The following NXPH1 variants were observed in gnomAD, a reference collection of about 807,000 sequenced individuals.
NXPH1 encodes neurexophilin 1.
Under a neutral mutation model 23.7 loss-of-function variants are expected in NXPH1, and 5 were observed. The ratio of observed to expected loss-of-function variants is 0.21; its 90% confidence interval spans 0.11 to 0.44. NXPH1 has a LOEUF of 0.44. Among genes scored for constraint, NXPH1 ranks in the 20% least tolerant of loss-of-function variants. NXPH1 has a pLI of 0.99. For synonymous variants in NXPH1, 144 were observed against 122.2 expected, an observed-to-expected ratio of 1.18 and a Z score of -1.18; for missense variants, 324 against 321.6, an observed-to-expected ratio of 1.01 and a Z score of -0.06.
At chr7:8,475,169 A>C (rs1173908757) in intron 2 of NXPH1, among the ~76,000 whole-genome samples, 1 of 151,982 alleles carries the variant, frequency 6.6e-6, no homozygotes, top group East Asian at 1.9e-4. Flanking sequence ...GAGACCCCTA[A>C]ACTTCAGTTG....
At chr7:8,604,514 C>T (rs1017302617) in intron 2 of NXPH1, among the ~76,000 whole-genome samples, 4 of 152,060 alleles carry the variant, frequency 2.6e-5, no homozygotes, top group Non-Finnish European at 4.4e-5. Context: ...CTTTCTCTCA[C>T]CACATTTTTG....
chr7:8,454,774 A>C (rs779604838), intron 2 of NXPH1, among the ~76,000 whole-genome samples: 49 of 152,148 alleles, frequency 3.2e-4, no homozygotes, highest in Admixed American at 1.1e-3. Context: ...CCGTGATTGA[A>C]ACTAGAGTCC....
chr7:8,545,465 T>C (rs1247382849), intron 2 of NXPH1, among the ~76,000 whole-genome samples: 1 of 151,584 alleles, frequency 6.6e-6, no homozygotes, highest in Non-Finnish European at 1.5e-5. Flanking sequence ...CAGGAAATAC[T>C]GTCCTCTTGT....
At chr7:8,514,400 A>T (rs2128614534) in intron 2 of NXPH1, among the ~76,000 whole-genome samples, 1 of 152,266 alleles carries the variant, frequency 6.6e-6, no homozygotes, top group Admixed American at 6.5e-5. Flanking sequence ...AGGTTCAGTG[A>T]CATCCTTGAA....
At chr7:8,582,160 G>C (rs1818889891) in intron 2 of NXPH1, among the ~76,000 whole-genome samples, 1 of 152,200 alleles carries the variant, frequency 6.6e-6, no homozygotes, top group African/African-American at 2.4e-5. Context: ...CTGGCATCTG[G>C]ATGAGGGGAA....
At chr7:8,459,788 G>C (rs1321989398) in intron 2 of NXPH1, among the ~76,000 whole-genome samples, 4 of 152,192 alleles carry the variant, frequency 2.6e-5, no homozygotes, top group African/African-American at 9.7e-5. Context: ...AAGTCTGCAT[G>C]TCTGTAAAGA....
At chr7:8,617,490 T>C (rs1270184576) in intron 2 of NXPH1, among the ~76,000 whole-genome samples, 1 of 151,992 alleles carries the variant, frequency 6.6e-6, no homozygotes, top group Non-Finnish European at 1.5e-5. Context: ...AAGAAGGAGA[T>C]CCAGTCATAT....
intron 2 of NXPH1, among the ~76,000 whole-genome samples, chr7:8,737,707 G>C (rs533309045): frequency 6.6e-6 from 1 of 152,162 alleles, no homozygotes; most frequent in Non-Finnish European, 1.5e-5. Context: ...AGTTCTCCTG[G>C]ATAATATCCT....
At chr7:8,591,139 C>G (rs10258143) in intron 2 of NXPH1, among the ~76,000 whole-genome samples, 59,684 of 151,892 alleles carry the variant, frequency 0.39, 14,842 homozygotes, top group African/African-American at 0.72. Flanking sequence ...GATAATAAAA[C>G]CAATGAGACC....
chr7:8,749,401 T>G (rs200753803), intron 2 of NXPH1, among the ~76,000 whole-genome samples: 1 of 152,236 alleles, frequency 6.6e-6, no homozygotes, highest in South Asian at 2.1e-4. Flanking sequence ...GCTCTAGAAT[T>G]TATGGTCTTG....
intron 2 of NXPH1, among the ~76,000 whole-genome samples, chr7:8,505,087 A>T (rs1397423611): frequency 2.6e-5 from 4 of 152,010 alleles, no homozygotes; most frequent in Non-Finnish European, 5.9e-5. Context: ...AATTTTTTTT[A>T]AATTCAATTT....
chr7:8,657,631 G>T (rs758359961), intron 2 of NXPH1, among the ~76,000 whole-genome samples: 1 of 152,206 alleles, frequency 6.6e-6, no homozygotes, highest in Non-Finnish European at 1.5e-5. Flanking sequence ...TATGATTTAT[G>T]ATGAGAACTC....
At chr7:8,585,878 T>C (rs538871318) in intron 2 of NXPH1, among the ~76,000 whole-genome samples, 103 of 152,328 alleles carry the variant, frequency 6.8e-4, no homozygotes, top group Non-Finnish European at 1.2e-3. Flanking sequence ...TATTGAGCTT[T>C]GGAAAGAAGT....
chr7:8,444,567 C>A (rs962074096), intron 2 of NXPH1, among the ~76,000 whole-genome samples: 34 of 152,316 alleles, frequency 2.2e-4, no homozygotes, highest in Middle Eastern at 3.4e-3. Context: ...TTGCCTGATG[C>A]CCCCGATGGA....
intron 2 of NXPH1, among the ~76,000 whole-genome samples, chr7:8,708,743 T>C (rs1465255927): frequency 6.6e-6 from 1 of 152,196 alleles, no homozygotes; most frequent in African/African-American, 2.4e-5. Flanking sequence ...TATGCTATTA[T>C]CATACTATGA....
chr7:8,503,192 C>G (rs1490436911), intron 2 of NXPH1, among the ~76,000 whole-genome samples: 1 of 151,992 alleles, frequency 6.6e-6, no homozygotes, highest in Non-Finnish European at 1.5e-5. Flanking sequence ...AACTGGAACA[C>G]TTTTTAACAG....
intron 2 of NXPH1, among the ~76,000 whole-genome samples, chr7:8,739,136 G>GT (rs1780314848): frequency 7.5e-6 from 1 of 132,652 alleles, no homozygotes; most frequent in South Asian, 2.4e-4. Flanking sequence ...GGAGTGAACG[G>GT]TTTCGTCTCA....
At position 8,543,685 on chromosome 7, in the gene NXPH1, C is replaced by G. The variant is rs553833246; in HGVS notation, c.54+107918C>G. 2.3e-4 allele frequency among the ~76,000 whole-genome samples: 35 copies of G among 151,692 alleles called. 1 individual carries two copies. Among genetic ancestry groups the G allele is most frequent in the Non-Finnish European group, 3.4e-4 (23 of 67,720 alleles). On this transcript the variant is annotated intron_variant, in intron 2 of 2. Transcript: ENST00000405863. The stretch of plus-strand genomic sequence containing the variant: ...TAGTTCACACGTAGATGCACAGTAT[C>G]TAATCCTTCTTTTATATTTTTATGT...
At chr7:8,681,864 T>C (rs1821054756) in intron 2 of NXPH1, among the ~76,000 whole-genome samples, 1 of 152,204 alleles carries the variant, frequency 6.6e-6, no homozygotes, top group Non-Finnish European at 1.5e-5. Flanking sequence ...TGGGAGGTTG[T>C]AGAAACTTGT....
Sources: allele counts gnomAD v4.1 joint callset (sites outside exome capture counted in the v4.1 genomes callset), GRCh38; gene constraint gnomAD v4.1.1; transcripts MANE v1.5; gene names NCBI Gene and HGNC (gene_info 2026-07-23, HGNC 2026-07-21).